The following HSPA4L variants were observed in gnomAD, a reference collection of about 807,000 sequenced individuals.
The protein encoded by HSPA4L is heat shock 70 kDa protein 4L.
Under a neutral mutation model 100.3 loss-of-function variants are expected in HSPA4L, and 48 were observed. That is an observed-to-expected ratio of 0.48 (90% CI 0.38 to 0.61). The LOEUF (loss-of-function observed/expected upper bound fraction) is 0.61. Among genes scored for constraint, HSPA4L ranks in the 20% least tolerant of loss-of-function variants. The pLI, the probability that HSPA4L is intolerant of heterozygous loss-of-function variation, is 0.00. For synonymous variants in HSPA4L, 319 were observed against 328.2 expected, an observed-to-expected ratio of 0.97 and a Z score of 0.30; for missense variants, 886 against 988.6, an observed-to-expected ratio of 0.90 and a Z score of 1.39.
At chr4:127,818,846 T>A (rs1733740483) in intron 13 of HSPA4L, among the ~76,000 whole-genome samples, 2 of 151,384 alleles carry the variant, frequency 1.3e-5, no homozygotes, top group South Asian at 4.2e-4. Context: ...TGAGTGTACC[T>A]ATATAACCTG....
Position 127,800,744 on chromosome 4 carries a change from C to T in HSPA4L, c.430-394C>T, listed in dbSNP as rs74645693. ...CATAACAATTCAGATCTACCTGATT[C>T]TTTGTAACAGCTACATAGGATTCCA... On this transcript the variant is annotated intron_variant, in intron 4 of 18. Coordinates refer to ENST00000296464, the MANE Select transcript of HSPA4L (RefSeq NM_014278.4). Among the ~76,000 whole-genome samples, 407 of 152,196 alleles carry T rather than the reference C, an allele frequency of 2.7e-3. 4 individuals are homozygous for T. Among genetic ancestry groups the T allele is most frequent in the African/African-American group, 9.5e-3 (396 of 41,538 alleles).
chr4:127,793,802 G>C (rs183556373), intron 1 of HSPA4L, among the ~76,000 whole-genome samples: 2 of 151,970 alleles, frequency 1.3e-5, no homozygotes, highest in Non-Finnish European at 2.9e-5. Flanking sequence ...TCTTTTAATG[G>C]GTCATAGATC....
chr4:127,783,684 A>G (rs1447607600), intron 1 of HSPA4L: 2 of 1,535,218 alleles, frequency 1.3e-6, no homozygotes, highest in Non-Finnish European at 1.7e-6. Context: ...TGGAAAGGTA[A>G]TTTGGCATCT....
intron 18 of HSPA4L, among the ~76,000 whole-genome samples, chr4:127,831,866 A>C (rs889331191): frequency 6.6e-6 from 1 of 151,458 alleles, no homozygotes; most frequent in Non-Finnish European, 1.5e-5. Context: ...CTTTTTTTTT[A>C]ACAAAAGCTG....
At chr4:127,782,720 G>A in intron 1 of HSPA4L, 63 bp downstream of exon 1, 2 of 1,215,990 alleles carry the variant, frequency 1.6e-6, no homozygotes, top group South Asian at 1.5e-5. Context: ...CGTCCTTAAC[G>A]TTTGTCCTGT....
chr4:127,806,083 CAT>C (rs1017655648), intron 10 of HSPA4L, among the ~76,000 whole-genome samples: 19 of 152,018 alleles, frequency 1.2e-4, no homozygotes, highest in African/African-American at 4.6e-4. Flanking sequence ...ATTTTACAGA[CAT>C]AAACATTTTT....
chr4:127,808,723 G>A (rs59997635), intron 11 of HSPA4L, among the ~76,000 whole-genome samples: 1 of 152,254 alleles, frequency 6.6e-6, no homozygotes, highest in South Asian at 2.1e-4. Context: ...TGAGGGGACA[G>A]CTATATTTCT....
Position 127,808,085 on chromosome 4 carries a change from T to G in HSPA4L, c.1334T>G (p.Phe445Cys). 1 of 1,612,158 alleles carries G rather than the reference T, an allele frequency of 6.2e-7. No individual in the cohort carries two copies. The highest frequency in any genetic ancestry group is 8.5e-7 in the Non-Finnish European group (1 of 1,179,020). Reference sequence around the variant, plus strand: ...AAGGAACCATTTGAACTAGAAGCATTTTATACTAATTTACATGAAGTGCCT... The same window carrying G: ...AAGGAACCATTTGAACTAGAAGCATGTTATACTAATTTACATGAAGTGCCT... ...HKKEPFELEA[F>C]YTNLHEVPYP... The change falls in exon 11 of 19, where the codon TTT becomes TGT. Residue 445 changes from phenylalanine (F) to cysteine (C), a missense_variant. Coordinates refer to ENST00000296464, the MANE Select transcript of HSPA4L (RefSeq NM_014278.4).
intron 3 of HSPA4L, among the ~76,000 whole-genome samples, chr4:127,796,948 C>T (rs1733038474): frequency 6.6e-6 from 1 of 152,186 alleles, no homozygotes; most frequent in South Asian, 2.1e-4. Context: ...AAACTTAATG[C>T]TGTGCAAATT....
chr4:127,798,338 T>C (rs1207786679), intron 3 of HSPA4L, among the ~76,000 whole-genome samples: 1 of 152,112 alleles, frequency 6.6e-6, no homozygotes, highest in Non-Finnish European at 1.5e-5. Flanking sequence ...TCTGAGAGGG[T>C]AGAAACTACA....
rs2148805383 is a variant in HSPA4L, at chr4:127,838,205, C to T, written c.*5331C>T. 6.6e-6 allele frequency: 1 copy of T among 152,062 alleles called. No homozygotes were observed. The highest frequency in any genetic ancestry group is 1.5e-5 in the Non-Finnish European group (1 of 67,998). 9.4% of individuals were successfully genotyped at this position (152,062 alleles called of 1,614,324 possible). A position where few individuals can be genotyped will look rare whatever the true frequency, so the allele number is the denominator to read the frequency against. ...TTTTCTAAATTCAAAGGTAATTATT[C>T]TAAACAATAAAAGGGCACCTGGAAT... On this transcript the variant is annotated 3_prime_UTR_variant, in exon 19 of 19. Coordinates refer to ENST00000296464, the MANE Select transcript of HSPA4L (RefSeq NM_014278.4).
chr4:127,794,278 GT>G (rs939681994), intron 2 of HSPA4L, 144 bp downstream of exon 2: 2 of 516,486 alleles, frequency 3.9e-6, no homozygotes, highest in African/African-American at 4.0e-5. Flanking sequence ...GTTTTGTTTT[GT>G]TTTTTTAAGA....
Position 127,795,846 on chromosome 4 carries a change from A to C in HSPA4L, c.244A>C (p.Thr82Pro). 1 of 1,613,792 alleles carries C rather than the reference A, an allele frequency of 6.2e-7. No homozygotes were observed. The highest frequency in any genetic ancestry group is 1.3e-5 in the African/African-American group (1 of 75,044). ...ATCATTTGATGATCCCATTGTGCAA[A>C]CTGAAAGGATCAGGCTTCCCTATGA... ...GRSFDDPIVQTERIRLPYELQ... is the reference protein window; with the variant it reads ...GRSFDDPIVQPERIRLPYELQ... The change falls in exon 3 of 19, where the codon ACT (threonine) becomes CCT (proline). Residue 82 changes from threonine (T) to proline (P), a missense_variant. Thr to Pro is a conservative substitution (Grantham distance 38, BLOSUM62 -1). Transcript: ENST00000296464.
rs1734220038 is a variant in HSPA4L, at chr4:127,836,685, G to A, written c.*3811G>A. On this transcript the variant is annotated 3_prime_UTR_variant, in exon 19 of 19. Coordinates refer to ENST00000296464, the MANE Select transcript of HSPA4L (RefSeq NM_014278.4). Reference sequence around the variant, plus strand: ...TTTTGAAAAATCTATATTTATTAAAGGTAGTAGACATTTGAATATAGTAAT... The same window carrying A: ...TTTTGAAAAATCTATATTTATTAAAAGTAGTAGACATTTGAATATAGTAAT... 6.6e-6 allele frequency: 1 copy of A among 151,954 alleles called. No individual in the cohort carries two copies. The highest frequency in any genetic ancestry group is 2.4e-5 in the African/African-American group (1 of 41,386). 9.4% of individuals were successfully genotyped at this position (151,954 alleles called of 1,614,324 possible).
At chr4:127,784,781 C>G (rs528119274) in intron 1 of HSPA4L, among the ~76,000 whole-genome samples, 1 of 152,180 alleles carries the variant, frequency 6.6e-6, no homozygotes, top group Non-Finnish European at 1.5e-5. Flanking sequence ...AATTCAACAC[C>G]GATCATGCAA....
rs1734126103 is a variant in HSPA4L, at chr4:127,832,999, T to C, written c.*125T>C. On this transcript the variant is annotated 3_prime_UTR_variant, in exon 19 of 19. Transcript: ENST00000296464. Reference sequence around the variant, plus strand: ...CACTTTTGTCATTTGTTTTTTGGAGTAGTTTTGAAAAGTGTTTTATATTGA... The same window carrying C: ...CACTTTTGTCATTTGTTTTTTGGAGCAGTTTTGAAAAGTGTTTTATATTGA... 1 of 685,104 alleles carries C rather than the reference T, an allele frequency of 1.5e-6. No individual in the cohort carries two copies. Among genetic ancestry groups the C allele is most frequent in the South Asian group, 3.0e-5 (1 of 33,820 alleles). The allele number at this position is 685,104 out of a possible 1,614,324, so 42.4% of individuals were successfully genotyped here.
Position 127,820,490 on chromosome 4 carries a change from T to C in HSPA4L, c.1737T>C (p.Ser579=), listed in dbSNP as rs760641819. The change falls in exon 14 of 19, where the codon AGT becomes AGC. Residue 579 remains serine (S), a synonymous_variant. Coordinates refer to ENST00000296464, the MANE Select transcript of HSPA4L (RefSeq NM_014278.4). ...CACTTAAAAAAGGAAAAGTCAAAAG[T>C]ATTGATCTACCGATCCAGAGTAGCC... is the stretch of plus-strand genomic sequence containing the variant. ...NQTLKKGKVK[S]IDLPIQSSLC... 2.7e-5 allele frequency: 44 copies of C among 1,603,032 alleles called. No homozygotes were observed. Among genetic ancestry groups the C allele is most frequent in the Non-Finnish European group, 3.7e-5 (44 of 1,175,388 alleles).
intron 16 of HSPA4L, among the ~76,000 whole-genome samples, chr4:127,824,686 G>A (rs775568092): frequency 9.2e-5 from 14 of 152,136 alleles, no homozygotes; most frequent in Admixed American, 6.5e-5. Context: ...ACACTGGTCT[G>A]TTGTATTTTC....
chr4:127,812,425 A>G (rs1353074118), intron 12 of HSPA4L, among the ~76,000 whole-genome samples: 2 of 151,772 alleles, frequency 1.3e-5, no homozygotes, highest in Admixed American at 6.6e-5. Context: ...AAAAAACAAA[A>G]AAAAAAACAG....
Sources: gnomAD v4.1 joint callset for allele counts (sites outside exome capture counted in the v4.1 genomes callset) on GRCh38, gnomAD v4.1.1 for gene constraint, MANE v1.5 for transcripts, NCBI Gene and HGNC (gene_info 2026-07-23, HGNC 2026-07-21) for gene names.